The following ADAM23 variants were observed in gnomAD, a reference collection of about 807,000 sequenced individuals.
ADAM23 encodes the protein disintegrin and metalloproteinase domain-containing protein 23.
ADAM23 carries 33 observed loss-of-function variants against 120.1 expected under a neutral mutation model. The observed-to-expected ratio is 0.27, with a 90% CI of 0.21 to 0.37. ADAM23 has a LOEUF of 0.37. Among genes scored for constraint, ADAM23 ranks in the 10% least tolerant of loss-of-function variants. The pLI is 1.00. For missense variants in ADAM23, 862 were observed against 1,058.2 expected, an observed-to-expected ratio of 0.81 and a Z score of 2.57; for synonymous variants, 367 against 375.2, an observed-to-expected ratio of 0.98 and a Z score of 0.25.
intron 4 of ADAM23, among the ~76,000 whole-genome samples, chr2:206,541,103 T>A (rs1574522297): frequency 6.6e-6 from 1 of 150,894 alleles, no homozygotes; most frequent in East Asian, 1.9e-4. Context: ...GAGGCGGAGG[T>A]TGTAGTGAGC....
At position 206,594,905 on chromosome 2, in the gene ADAM23, G is replaced by A. The variant is rs1027762865; in HGVS notation, c.2247G>A (p.Gly749=). 1.2e-6 allele frequency: 2 copies of A among 1,614,078 alleles called. No individual in the cohort carries two copies. The highest frequency in any genetic ancestry group is 1.7e-6 in the Non-Finnish European group (2 of 1,179,966). The change falls in exon 23 of 26, where the codon GGG becomes GGA. Residue 749 remains glycine (G), a splice_region_variant and synonymous_variant. Coordinates refer to ENST00000264377, the MANE Select transcript of ADAM23 (RefSeq NM_003812.4). ...DSKGKVCSGH[G]VCSNEATCIC... ...AGGGTAAAGTCTGTTCGGGCCATGG[G>A]GTAAGTAGGTATCAATGTGACAGCT...
intron 4 of ADAM23, 89 bp from the exon 5 acceptor site, chr2:206,541,963 T>C (rs1045484469): frequency 2.3e-6 from 3 of 1,316,230 alleles, no homozygotes; most frequent in East Asian, 4.6e-5. Context: ...TATATGCCCA[T>C]CCTTGCATTT....
At chr2:206,584,118 TG>T (rs1348982152) in intron 18 of ADAM23, among the ~76,000 whole-genome samples, 2 of 152,196 alleles carry the variant, frequency 1.3e-5, no homozygotes, top group African/African-American at 4.8e-5. Context: ...CCACAGTGAT[TG>T]TTGTCTCCCT....
intron 24 of ADAM23, chr2:206,607,990 T>A (rs1223182522): frequency 4.4e-6 from 2 of 452,378 alleles, no homozygotes; most frequent in African/African-American, 2.0e-5. Flanking sequence ...GTGCAAATCA[T>A]ATCCAAAGCA....
At chr2:206,497,759 A>G (rs1039110280) in intron 3 of ADAM23, among the ~76,000 whole-genome samples, 2 of 152,148 alleles carry the variant, frequency 1.3e-5, no homozygotes, top group Admixed American at 6.5e-5. Context: ...AAACCCCATC[A>G]TCTCAGCCCA....
At chr2:206,456,594 C>T (rs1447629747) in intron 2 of ADAM23, among the ~76,000 whole-genome samples, 10 of 152,142 alleles carry the variant, frequency 6.6e-5, no homozygotes, top group African/African-American at 9.7e-5. Flanking sequence ...GGACCAGTGA[C>T]TATGTTGCTC....
intron 3 of ADAM23, 98 bp downstream of exon 3, chr2:206,481,406 T>C: frequency 1.2e-6 from 1 of 834,486 alleles, no homozygotes; most frequent in East Asian, 3.0e-5. Flanking sequence ...GTTTAACAAC[T>C]ATTTTCTAGC....
chr2:206,620,563 T>C lies in ADAM23; in HGVS notation c.*2936T>C, dbSNP rs1165844363. ...TATTAATTTGAGCTCACAGCACAAG[T>C]GTATCACTGTTTAATGTTACCCAAC... is the stretch of plus-strand genomic sequence containing the variant. On this transcript the variant is annotated 3_prime_UTR_variant, in exon 26 of 26. Coordinates refer to ENST00000264377, the MANE Select transcript of ADAM23 (RefSeq NM_003812.4). 2.0e-5 allele frequency: 3 copies of C among 152,168 alleles called. No homozygotes were observed. In the East Asian group the frequency reaches 5.8e-4, roughly 29 times the overall value. 9.4% of individuals were successfully genotyped at this position (152,168 alleles called of 1,614,324 possible).
In ADAM23 at chr2:206,473,599, TAAC is replaced by T. The variant is rs1553548021; in HGVS notation, c.433-7615_433-7613del. On this transcript the variant is annotated intron_variant, in intron 2 of 25. Transcript: ENST00000264377. ...ATAATAATAATAATAATAATAATAA[TAAC>T]AACAACAACAACAACAATAACGATT... 1.2e-3 allele frequency among the ~76,000 whole-genome samples: 174 copies of T among 148,556 alleles called. 1 individual carries two copies. Among genetic ancestry groups the T allele is most frequent in the Non-Finnish European group, 8.6e-4 (58 of 67,394 alleles).
chr2:206,573,182 G>C lies in ADAM23; in HGVS notation c.1724G>C (p.Gly575Ala). Residue 575 changes from glycine to alanine, a missense_variant, in exon 18 of 26, where the codon GGA (glycine) becomes GCA (alanine). Around this residue, in one of 4 missense-constraint regions of ADAM23, gnomAD observed 617 missense variants for 813.5 expected, o/e 0.76. Transcript: ENST00000264377. ...NECDITEYCT[G>A]DSGQCPPNLH... ...TGTGATATTACTGAATATTGTACTGGAGACTCTGGTCAGGTATGGCGCACT... is the reference window on the plus strand; with the variant it reads ...TGTGATATTACTGAATATTGTACTGCAGACTCTGGTCAGGTATGGCGCACT... The C allele has an allele frequency of 3.7e-6, 6 of 1,613,970 alleles. No homozygotes were observed. Among genetic ancestry groups the C allele is most frequent in the Non-Finnish European group, 5.1e-6 (6 of 1,179,870 alleles).
chr2:206,552,717 A>AAGG (rs1239346376), intron 9 of ADAM23, among the ~76,000 whole-genome samples: 1 of 152,190 alleles, frequency 6.6e-6, no homozygotes, highest in Non-Finnish European at 1.5e-5. Flanking sequence ...GCTGGAGTAC[A>AAGG]GTGATCCAAT....
intron 21 of ADAM23, 83 bp from the exon 22 acceptor site, chr2:206,592,534 G>A (rs1698443970): frequency 1.4e-6 from 2 of 1,479,628 alleles, no homozygotes; most frequent in Admixed American, 4.1e-5. Flanking sequence ...TTAAAAATTT[G>A]AATCAATGTG....
At chr2:206,512,735 T>C (rs935652118) in intron 3 of ADAM23, among the ~76,000 whole-genome samples, 1 of 152,234 alleles carries the variant, frequency 6.6e-6, no homozygotes, top group Non-Finnish European at 1.5e-5. Flanking sequence ...TTTTATGTTC[T>C]TCACTTAATT....
intron 2 of ADAM23, among the ~76,000 whole-genome samples, chr2:206,476,664 G>A (rs575074359): frequency 6.6e-6 from 1 of 152,224 alleles, no homozygotes; most frequent in African/African-American, 2.4e-5. Flanking sequence ...CGTGAAACTG[G>A]ACCCTGGTGC....
intron 2 of ADAM23, among the ~76,000 whole-genome samples, chr2:206,465,091 G>T (rs1021754897): frequency 2.0e-5 from 3 of 151,986 alleles, no homozygotes; most frequent in Non-Finnish European, 4.4e-5. Context: ...TTTTACTCAG[G>T]CTGGAGTGCA....
chr2:206,582,936 G>A (rs1698246972), intron 18 of ADAM23, among the ~76,000 whole-genome samples: 1 of 152,086 alleles, frequency 6.6e-6, no homozygotes. Flanking sequence ...TAATATGATA[G>A]GTTTTCCTTT....
At chr2:206,575,198 T>C (rs979381410) in intron 18 of ADAM23, among the ~76,000 whole-genome samples, 1 of 152,114 alleles carries the variant, frequency 6.6e-6, no homozygotes, top group Non-Finnish European at 1.5e-5. Flanking sequence ...TGAAATGGAA[T>C]GAAAGCAAGG....
chr2:206,607,955 T>C lies in ADAM23; in HGVS notation c.2360-1955T>C, dbSNP rs1251931633. ...ATGAATTATGTGTTGATTCTAATCC[T>C]AGCCTGTTTTCTGAAGCGGACGAAG... On this transcript the variant is annotated intron_variant, in intron 24 of 25. Coordinates refer to ENST00000264377, the MANE Select transcript of ADAM23 (RefSeq NM_003812.4). 3 of 336,606 alleles carry C rather than the reference T, an allele frequency of 8.9e-6. No homozygotes were observed. The Admixed American group carries it at 9.9e-5, about 11-fold the overall frequency. 20.9% of individuals were successfully genotyped at this position (336,606 alleles called of 1,614,324 possible).
intron 2 of ADAM23, among the ~76,000 whole-genome samples, chr2:206,467,574 A>G (rs1488782694): frequency 6.6e-6 from 1 of 152,204 alleles, no homozygotes; most frequent in Admixed American, 6.5e-5. Flanking sequence ...TCAGCCCCCA[A>G]GGCTGCTCTT....
Sources: allele counts gnomAD v4.1 joint callset (sites outside exome capture counted in the v4.1 genomes callset), GRCh38; gene constraint gnomAD v4.1.1; regional missense constraint gnomAD v4.1.1; transcripts MANE v1.5; gene names NCBI Gene and HGNC (gene_info 2026-07-23, HGNC 2026-07-21).